STPG4: variants seen among roughly 807,000 people sequenced by gnomAD.
STPG4 encodes the protein protein STPG4.
A neutral mutation model predicts 31.5 loss-of-function variants in STPG4; 41 were observed. The observed-to-expected ratio is 1.30, with a 90% CI of 1.01 to 1.69. The LOEUF is 1.69. Among genes scored for constraint, STPG4 ranks in the 40% most tolerant of loss-of-function variants. The pLI, the probability that STPG4 is intolerant of heterozygous loss-of-function variation, is 0.00. For synonymous variants in STPG4, 141 were observed against 103.0 expected (o/e 1.37, Z -2.24); for missense variants, 375 against 293.4 (o/e 1.28, Z -2.03).
intron 5 of STPG4, among the ~76,000 whole-genome samples, chr2:47,123,561 T>C (rs1034739135): frequency 2.0e-5 from 3 of 152,186 alleles, no homozygotes; most frequent in Non-Finnish European, 4.4e-5. Flanking sequence ...CAAATTTGAA[T>C]AGGTGACTTG....
At position 47,141,177 on chromosome 2, in the gene STPG4, G is replaced by A. The variant is rs187628624; in HGVS notation, c.399+10081C>T. Among the ~76,000 whole-genome samples the A allele has an allele frequency of 6.4e-3, 971 of 151,962 alleles. 8 individuals carry two copies. The highest frequency in any genetic ancestry group is 0.031 in the Middle Eastern group (9 of 294). ...GCTGGGATTACAGGCATGAGCCACC[G>A]CTCCCAGCCATTTCCAGGTCTTGAT... is the stretch of plus-strand genomic sequence containing the variant. On this transcript the variant is annotated intron_variant, in intron 3 of 6. Transcript: ENST00000445927.
intron 5 of STPG4, among the ~76,000 whole-genome samples, chr2:47,119,655 C>G (rs115763963): frequency 0.011 from 1,645 of 149,670 alleles, 29 homozygotes; most frequent in African/African-American, 0.038. Context: ...CCATTCTTTT[C>G]CCATCAAATA....
chr2:47,096,441 G>T (rs1303191062), intron 5 of STPG4, among the ~76,000 whole-genome samples: 1 of 152,190 alleles, frequency 6.6e-6, no homozygotes, highest in Non-Finnish European at 1.5e-5. Context: ...TAACCTTGCT[G>T]GGACAAATTC....
intron 6 of STPG4, among the ~76,000 whole-genome samples, chr2:47,087,495 C>G (rs1685480462): frequency 6.6e-6 from 1 of 152,222 alleles, no homozygotes; most frequent in Non-Finnish European, 1.5e-5. Context: ...TCATCTTTCC[C>G]CCGGTGACCT....
chr2:47,087,218 T>G (rs1573137793), intron 6 of STPG4, 88 bp from the exon 7 acceptor site: 1 of 1,459,386 alleles, frequency 6.9e-7, no homozygotes, highest in Non-Finnish European at 9.3e-7. Context: ...TTGGATGTGG[T>G]GGACAAATTC....
intron 3 of STPG4, among the ~76,000 whole-genome samples, chr2:47,135,550 C>A (rs1414117568): frequency 6.6e-6 from 1 of 152,024 alleles, no homozygotes; most frequent in East Asian, 1.9e-4. Flanking sequence ...CCACGTCTGG[C>A]TAATTTTTAT....
At chr2:47,131,371 C>T (rs753183040) in intron 3 of STPG4, among the ~76,000 whole-genome samples, 3 of 152,160 alleles carry the variant, frequency 2.0e-5, no homozygotes, top group Non-Finnish European at 2.9e-5. Context: ...AAGCAATCCA[C>T]CCAGTTTGGC....
intron 5 of STPG4, among the ~76,000 whole-genome samples, chr2:47,119,615 C>G (rs1686226197): frequency 6.6e-6 from 1 of 152,156 alleles, no homozygotes; most frequent in Non-Finnish European, 1.5e-5. Flanking sequence ...CTGCTTGCTT[C>G]CAAAGCCAAC....
At position 47,124,922 on chromosome 2, in the gene STPG4, G is replaced by A. The variant is rs183989131; in HGVS notation, c.519+5019C>T. On this transcript the variant is annotated intron_variant, in intron 5 of 6. Coordinates refer to ENST00000445927, the MANE Select transcript of STPG4 (RefSeq NM_001163561.2). ...AGGGTTCCCTTTTCTCCACATCCTC[G>A]CCAGCATTCACTATTGCCTGTATTT... Among the ~76,000 whole-genome samples, 8 of 152,114 alleles carry A rather than the reference G, an allele frequency of 5.3e-5. No individual in the cohort carries two copies. In the East Asian group the frequency reaches 1.2e-3, roughly 22 times the overall value.
intron 1 of STPG4, among the ~76,000 whole-genome samples, chr2:47,153,251 C>G (rs1221821553): frequency 1.3e-5 from 2 of 152,116 alleles, no homozygotes; most frequent in Non-Finnish European, 2.9e-5. Flanking sequence ...GTAATAAACA[C>G]CCCCATCTCA....
chr2:47,124,267 G>C (rs1163083192), intron 5 of STPG4, among the ~76,000 whole-genome samples: 1 of 152,084 alleles, frequency 6.6e-6, no homozygotes, highest in Non-Finnish European at 1.5e-5. Flanking sequence ...TTACAGGTGT[G>C]AGCCACCGTG....
At chr2:47,091,944 T>C (rs1251015500) in intron 5 of STPG4, among the ~76,000 whole-genome samples, 3 of 150,780 alleles carry the variant, frequency 2.0e-5, no homozygotes, top group African/African-American at 7.3e-5. Context: ...AACGCTTCCA[T>C]CCAGCAGTCC....
intron 1 of STPG4, among the ~76,000 whole-genome samples, chr2:47,154,661 G>A (rs1345255809): frequency 6.6e-6 from 1 of 152,066 alleles, no homozygotes; most frequent in East Asian, 1.9e-4. Context: ...AACCCGGGAG[G>A]CGGAGGTTGC....
chr2:47,098,230 G>A lies in STPG4; in HGVS notation c.520-7856C>T, dbSNP rs911412638. ...ACGGGTTCACCAGGCAGCCTTCACT[G>A]CTGCGCACTGACAGCTCCCCACAGA... is the stretch of plus-strand genomic sequence containing the variant. On this transcript the variant is annotated intron_variant, in intron 5 of 6. Transcript: ENST00000445927. 2.6e-5 allele frequency among the ~76,000 whole-genome samples: 4 copies of A among 152,314 alleles called. No individual in the cohort carries two copies. The South Asian group carries it at 6.2e-4, about 24-fold the overall frequency.
chr2:47,148,832 C>T (rs1476744410), intron 3 of STPG4, among the ~76,000 whole-genome samples: 3 of 152,166 alleles, frequency 2.0e-5, no homozygotes, highest in Admixed American at 6.5e-5. Flanking sequence ...TTTCCAGCTT[C>T]ATCCATGTCC....
chr2:47,135,174 A>G (rs1686571721), intron 3 of STPG4, among the ~76,000 whole-genome samples: 1 of 152,196 alleles, frequency 6.6e-6, no homozygotes, highest in Non-Finnish European at 1.5e-5. Context: ...TCTTTTGCTG[A>G]GCAGAAAATT....
intron 5 of STPG4, among the ~76,000 whole-genome samples, chr2:47,091,029 C>T (rs1685559637): frequency 6.6e-6 from 1 of 151,836 alleles, no homozygotes; most frequent in African/African-American, 2.4e-5. Flanking sequence ...ATTTAAAAAA[C>T]AAACTTCCTT....
At chr2:47,126,645 C>T (rs907726960) in intron 5 of STPG4, among the ~76,000 whole-genome samples, 1 of 152,122 alleles carries the variant, frequency 6.6e-6, no homozygotes, top group Non-Finnish European at 1.5e-5. Flanking sequence ...TTTCTTGTTG[C>T]TCATTAATGT....
intron 5 of STPG4, among the ~76,000 whole-genome samples, chr2:47,097,455 G>A (rs1685696311): frequency 6.6e-6 from 1 of 152,138 alleles, no homozygotes; most frequent in Non-Finnish European, 1.5e-5. Flanking sequence ...CCTTTGGGAG[G>A]TGATTATGTC....
Sources: gnomAD v4.1 joint callset for allele counts (sites outside exome capture counted in the v4.1 genomes callset) on GRCh38, gnomAD v4.1.1 for gene constraint, MANE v1.5 for transcripts, NCBI Gene and HGNC (gene_info 2026-07-23, HGNC 2026-07-21) for gene names.